Variants in ZNF821 observed in about 807,000 individuals in gnomAD.
The protein encoded by ZNF821 is zinc finger protein 821.
In ZNF821, 16 loss-of-function variants were observed where a neutral mutation model predicts 44.3. The observed-to-expected ratio is 0.36, with a 90% CI of 0.24 to 0.55. The LOEUF is 0.55. Ranked by LOEUF, ZNF821 falls within the 20% of genes least tolerant of loss-of-function variation. ZNF821 has a pLI of 0.86. For synonymous variants in ZNF821, 204 were observed against 197.6 expected (o/e 1.03, Z -0.27); for missense variants, 436 against 547.6 (o/e 0.80, Z 2.03).
At position 71,864,256 on chromosome 16, in the gene ZNF821, A is replaced by C; in HGVS notation, c.313-14T>G. 2.5e-6 allele frequency: 4 copies of C among 1,610,802 alleles called. No homozygotes were observed. Among genetic ancestry groups the C allele is most frequent in the Non-Finnish European group, 3.4e-6 (4 of 1,176,920 alleles). ...ATTCCCTGTGACCTGTGATTCAACA[A>C]ATAGGCAACTCATTAGGACTCTTTA... On this transcript the variant is annotated splice_polypyrimidine_tract_variant and intron_variant, in intron 5 of 7. Transcript: ENST00000425432.
upstream of ZNF821, chr16:71,884,636 C>G (rs1266185137): frequency 6.6e-6 from 1 of 152,232 alleles, no homozygotes; most frequent in Non-Finnish European, 1.5e-5. Context: ...GGCTTCGGCT[C>G]CCGAGGCTTT....
chr16:71,860,746 T>C lies in ZNF821; in HGVS notation c.585-74A>G. 6.7e-7 allele frequency: 1 copy of C among 1,490,458 alleles called. No homozygotes were observed. Among genetic ancestry groups the C allele is most frequent in the Non-Finnish European group, 9.0e-7 (1 of 1,112,274 alleles). 92.3% of individuals were successfully genotyped at this position (1,490,458 alleles called of 1,614,324 possible). A position where few individuals can be genotyped will look rare whatever the true frequency, so the allele number is the denominator to read the frequency against. ...CGGGACTCCAGCCCTGCCTTATTCT[T>C]TTCCTATGAGGCCAGTGGCTCCACG... On this transcript the variant is annotated intron_variant, in intron 7 of 7. Coordinates refer to ENST00000425432, the MANE Select transcript of ZNF821 (RefSeq NM_001201552.2). This position sits in a 1 kb window ranked among gnomAD's most constrained non-coding sequence, Gnocchi z 7.3.
chr16:71,890,993 C>T (rs2036882257), intron 1 of ZNF821, among the ~76,000 whole-genome samples: 3 of 151,664 alleles, frequency 2.0e-5, no homozygotes. Flanking sequence ...CCAGGATGGT[C>T]TCCATCTCCT....
upstream of ZNF821, among the ~76,000 whole-genome samples, chr16:71,886,283 C>T (rs1238895022): frequency 6.6e-6 from 1 of 152,184 alleles, no homozygotes; most frequent in Non-Finnish European, 1.5e-5. Context: ...ACCTATAGTC[C>T]CAGCTACTCA....
At chr16:71,876,268 A>G (rs1271685170) in intron 3 of ZNF821, among the ~76,000 whole-genome samples, 2 of 152,130 alleles carry the variant, frequency 1.3e-5, no homozygotes, top group Non-Finnish European at 2.9e-5. Flanking sequence ...CAGTGGCACT[A>G]TCTCGGCTCA....
At chr16:71,868,837 A>AT (rs1414966785) in intron 3 of ZNF821, among the ~76,000 whole-genome samples, 2 of 150,620 alleles carry the variant, frequency 1.3e-5, no homozygotes, top group African/African-American at 4.9e-5. Context: ...ATTTTTTTGT[A>AT]TTTTTTAGTA....
Position 71,865,021 on chromosome 16 carries a change from G to T in ZNF821, c.194C>A (p.Thr65Lys), listed in dbSNP as rs139528518. ...SSDSEGDEEE[T>K]TQDEVSSHTS... ...GTGGGAAGAGACTTCATCTTGTGTC[G>T]TCTCCTCTTCATCACCCTCACTGTC... Residue 65 changes from threonine to lysine, a missense_variant, in exon 5 of 8, where the codon ACG becomes AAG. This residue lies in a region of ZNF821 where 238 missense variants were observed against 281.4 expected (regional missense o/e 0.85). Transcript: ENST00000425432. 1.9e-6 allele frequency: 3 copies of T among 1,614,096 alleles called. No individual in the cohort carries two copies. Among genetic ancestry groups the T allele is most frequent in the Non-Finnish European group, 2.5e-6 (3 of 1,180,024 alleles).
At chr16:71,894,564 A>T in intron 1 of ZNF821, 3 of 304,354 alleles carry the variant, frequency 9.9e-6, no homozygotes, top group South Asian at 4.6e-5. Context: ...TTTTTTCTGT[A>T]GCCTAGGCTG....
chr16:71,879,298 C>G (rs1234282949), intron 3 of ZNF821, among the ~76,000 whole-genome samples: 1 of 152,038 alleles, frequency 6.6e-6, no homozygotes, highest in Non-Finnish European at 1.5e-5. Flanking sequence ...ACTTCACTTT[C>G]CCTACCTGAT....
intron 6 of ZNF821, 45 bp from the exon 7 acceptor site, chr16:71,861,987 G>A (rs746664410): frequency 6.2e-7 from 1 of 1,600,554 alleles, no homozygotes; most frequent in East Asian, 2.2e-5. Flanking sequence ...CTACCTCCAG[G>A]ACAATCTGCA....
chr16:71,883,202 C>A lies in ZNF821; in HGVS notation c.-78+9G>T, dbSNP rs762543062. 7 of 456,320 alleles carry A rather than the reference C, an allele frequency of 1.5e-5. No homozygotes were observed. The East Asian group carries it at 2.1e-4, about 14-fold the overall frequency. 28.3% of individuals were successfully genotyped at this position (456,320 alleles called of 1,614,324 possible). ...ATCTCAGCTTGATGAAAAGAGAGTGCGTTCCCACCTCCAGCTCTGGTGCAG... is the reference window on the plus strand; with the variant it reads ...ATCTCAGCTTGATGAAAAGAGAGTGAGTTCCCACCTCCAGCTCTGGTGCAG... On this transcript the variant is annotated intron_variant, in intron 2 of 7. Transcript: ENST00000425432.
At chr16:71,884,431 G>C (rs548822762), upstream of ZNF821, among the ~76,000 whole-genome samples, 2 of 151,944 alleles carry the variant, frequency 1.3e-5, no homozygotes, top group South Asian at 2.1e-4. Context: ...CAGCCGCTCA[G>C]CTCCCCCAGA....
At chr16:71,875,260 G>T (rs1182747085) in intron 3 of ZNF821, among the ~76,000 whole-genome samples, 2 of 152,010 alleles carry the variant, frequency 1.3e-5, no homozygotes, top group South Asian at 2.1e-4. Context: ...CACCTCCATG[G>T]CCTGTTTTTC....
At chr16:71,866,154 G>C (rs2034518631) in intron 4 of ZNF821, among the ~76,000 whole-genome samples, 1 of 152,048 alleles carries the variant, frequency 6.6e-6, no homozygotes, top group Non-Finnish European at 1.5e-5. Flanking sequence ...AGAAATATAG[G>C]GCAGAGTCTC....
At chr16:71,890,977 T>G (rs545905653) in intron 1 of ZNF821, among the ~76,000 whole-genome samples, 1 of 151,990 alleles carries the variant, frequency 6.6e-6, no homozygotes, top group South Asian at 2.1e-4. Flanking sequence ...GGTTTCACTG[T>G]GTTAGCCAGG....
intron 2 of ZNF821, chr16:71,881,290 CT>C (rs1419694821): frequency 6.6e-6 from 1 of 152,198 alleles, no homozygotes. Flanking sequence ...GACCTCAAAC[CT>C]ATAATCAGAT....
At chr16:71,866,488 G>C (rs1291624948) in intron 4 of ZNF821, among the ~76,000 whole-genome samples, 1 of 152,152 alleles carries the variant, frequency 6.6e-6, no homozygotes, top group Non-Finnish European at 1.5e-5. Flanking sequence ...GATTGGCACA[G>C]ATTACATCAT....
At chr16:71,868,171 C>G (rs773329682) in intron 3 of ZNF821, 134 bp from the exon 4 acceptor site, 12 of 1,026,680 alleles carry the variant, frequency 1.2e-5, no homozygotes, top group Non-Finnish European at 1.6e-5. Context: ...ATCTCCAAGT[C>G]AGCTTGCTGC....
At chr16:71,880,749 C>T (rs954773000) in intron 2 of ZNF821, among the ~76,000 whole-genome samples, 1 of 152,196 alleles carries the variant, frequency 6.6e-6, no homozygotes, top group African/African-American at 2.4e-5. Context: ...TGGCCCTCCT[C>T]ACACATTCCA....
Sources: gnomAD v4.1 joint callset for allele counts (sites outside exome capture counted in the v4.1 genomes callset) on GRCh38, gnomAD v4.1.1 for gene constraint, gnomAD v4.1.1 regional missense constraint, Gnocchi (gnomAD v3.1) non-coding constraint, MANE v1.5 for transcripts, NCBI Gene and HGNC (gene_info 2026-07-23, HGNC 2026-07-21) for gene names.